The following FANCL variants were observed in gnomAD, a reference collection of about 807,000 sequenced individuals.
FANCL encodes E3 ubiquitin-protein ligase FANCL.
Under a neutral mutation model 59.4 loss-of-function variants are expected in FANCL, and 69 were observed. The ratio of observed to expected loss-of-function variants is 1.16; its 90% CI spans 0.96 to 1.42. The LOEUF (loss-of-function observed/expected upper bound fraction) is 1.42. Ranked by LOEUF, FANCL falls within the 40% of genes most tolerant of loss-of-function variation. The pLI is 0.00. For missense variants in FANCL, 519 were observed against 447.2 expected (o/e 1.16, Z -1.45); for synonymous variants, 180 against 147.1 (o/e 1.22, Z -1.62).
intron 5 of FANCL, among the ~76,000 whole-genome samples, chr2:58,219,349 T>C (rs1265637577): frequency 1.3e-5 from 2 of 151,110 alleles, no homozygotes; most frequent in Non-Finnish European, 2.9e-5. Context: ...GAGTCCATAG[T>C]ATTTCAAATA....
At chr2:58,208,246 T>G (rs1031166088) in intron 5 of FANCL, among the ~76,000 whole-genome samples, 1 of 152,196 alleles carries the variant, frequency 6.6e-6, no homozygotes, top group Non-Finnish European at 1.5e-5. Context: ...TTAAGATTTG[T>G]ATTTAGAAGG....
chr2:58,190,359 A>G (rs1688808468), intron 7 of FANCL, among the ~76,000 whole-genome samples: 1 of 151,888 alleles, frequency 6.6e-6, no homozygotes. Context: ...AACTATAGCA[A>G]TTCCACTTTT....
intron 6 of FANCL, 95 bp downstream of exon 6, chr2:58,204,035 A>G (rs1690322737): frequency 2.2e-6 from 2 of 924,680 alleles, no homozygotes; most frequent in Non-Finnish European, 1.8e-6. Flanking sequence ...ATGTATTTTT[A>G]GATGTAACTA....
Position 58,219,723 on chromosome 2 carries a change from A to T in FANCL, c.374+2219T>A, listed in dbSNP as rs140127854. Among the ~76,000 whole-genome samples, 630 of 152,268 alleles carry T rather than the reference A, an allele frequency of 4.1e-3. 12 individuals carry two copies. Among genetic ancestry groups the T allele is most frequent in the African/African-American group, 0.014 (588 of 41,528 alleles). On this transcript the variant is annotated intron_variant, in intron 5 of 13. Transcript: ENST00000233741. ...CCAGCATGGCTCTAAAAAGTGTGCC[A>T]AAAATTTGACTCTAAATTTCCTAGA...
At chr2:58,176,614 T>C (rs529253197) in intron 7 of FANCL, among the ~76,000 whole-genome samples, 2 of 152,200 alleles carry the variant, frequency 1.3e-5, no homozygotes, top group Non-Finnish European at 2.9e-5. Flanking sequence ...CCTTACACCT[T>C]ATACAAAAAT....
chr2:58,212,320 G>A (rs1011801249), intron 5 of FANCL, among the ~76,000 whole-genome samples: 1 of 152,162 alleles, frequency 6.6e-6, no homozygotes, highest in Non-Finnish European at 1.5e-5. Context: ...GAACAGTATG[G>A]GGGAAACTGC....
intron 7 of FANCL, among the ~76,000 whole-genome samples, chr2:58,179,134 T>A (rs574925264): frequency 6.6e-5 from 10 of 152,230 alleles, no homozygotes; most frequent in Admixed American, 5.9e-4. Context: ...GAAGAATCAA[T>A]ATCGTGAAAA....
At chr2:58,228,523 G>A (rs1472835210) in intron 3 of FANCL, among the ~76,000 whole-genome samples, 1 of 152,148 alleles carries the variant, frequency 6.6e-6, no homozygotes, top group Non-Finnish European at 1.5e-5. Flanking sequence ...AGTTTTATTG[G>A]CATGTAGCCA....
chr2:58,223,229 G>C (rs539831809), intron 4 of FANCL, among the ~76,000 whole-genome samples: 1 of 151,130 alleles, frequency 6.6e-6, no homozygotes, highest in Non-Finnish European at 1.5e-5. Flanking sequence ...AGAAGACAAA[G>C]TATATGCTGC....
In FANCL at chr2:58,165,599, T is replaced by C. The variant is rs915785612; in HGVS notation, c.691+125A>G. The stretch of plus-strand genomic sequence containing the variant: ...AAATGTGTAGCCAAAAAAAAGTTTA[T>C]ACTAGAAAATTTTAATAGTTGACTT... On this transcript the variant is annotated intron_variant, in intron 8 of 13. Transcript: ENST00000233741. The C allele has an allele frequency of 4.9e-6, 6 of 1,218,050 alleles. No homozygotes were observed. The African/African-American group carries it at 6.2e-5, about 12-fold the overall frequency. 75.5% of individuals were successfully genotyped at this position (1,218,050 alleles called of 1,614,324 possible). A position where few individuals can be genotyped will look rare whatever the true frequency, so the allele number is the denominator to read the frequency against.
chr2:58,210,186 AAG>A (rs1157300961), intron 5 of FANCL, among the ~76,000 whole-genome samples: 4 of 152,210 alleles, frequency 2.6e-5, no homozygotes, highest in African/African-American at 7.2e-5. Context: ...TCATGCTGCT[AAG>A]ACACACCCAA....
chr2:58,241,057 G>T (rs1008677828), intron 1 of FANCL, among the ~76,000 whole-genome samples, 161 bp downstream of exon 1: 4 of 152,228 alleles, frequency 2.6e-5, no homozygotes. Flanking sequence ...GGCGGCGACA[G>T]CGGCGCTTCT....
intron 5 of FANCL, among the ~76,000 whole-genome samples, chr2:58,212,180 G>C (rs1253182720): frequency 6.6e-6 from 1 of 152,198 alleles, no homozygotes; most frequent in Non-Finnish European, 1.5e-5. Flanking sequence ...TCACAATCAT[G>C]GTGGAAGGCA....
At chr2:58,173,394 G>A (rs1184809063) in intron 7 of FANCL, among the ~76,000 whole-genome samples, 3 of 152,062 alleles carry the variant, frequency 2.0e-5, no homozygotes, top group Non-Finnish European at 2.9e-5. Context: ...GAGAAAGGTC[G>A]GGTTACCCAC....
intron 7 of FANCL, among the ~76,000 whole-genome samples, chr2:58,182,582 ACTAAC>A (rs1335541230): frequency 2.0e-5 from 3 of 151,892 alleles, no homozygotes; most frequent in Admixed American, 6.6e-5. Context: ...ATTTTATACA[ACTAAC>A]CCACGGAAGA....
At chr2:58,221,847 G>T in intron 5 of FANCL, 95 bp downstream of exon 5, 1 of 827,248 alleles carries the variant, frequency 1.2e-6, no homozygotes, top group South Asian at 1.5e-5. Flanking sequence ...TAAACACTTT[G>T]ACTAAAATCA....
intron 2 of FANCL, among the ~76,000 whole-genome samples, chr2:58,231,538 T>C (rs1057248908): frequency 2.9e-4 from 44 of 152,298 alleles, no homozygotes; most frequent in Admixed American, 9.8e-4. Flanking sequence ...ATCTCTGGAT[T>C]CCTTTTCCTC....
chr2:58,222,633 A>G (rs1692598725), intron 4 of FANCL, among the ~76,000 whole-genome samples: 1 of 152,046 alleles, frequency 6.6e-6, no homozygotes, highest in African/African-American at 2.4e-5. Context: ...AGGCCTATCT[A>G]TGAAGGCTTT....
chr2:58,211,802 G>A (rs550069570), intron 5 of FANCL, among the ~76,000 whole-genome samples: 2 of 147,662 alleles, frequency 1.4e-5, no homozygotes, highest in African/African-American at 2.5e-5. Context: ...CATAACAAGA[G>A]TAACCTTTGC....
Sources: allele counts gnomAD v4.1 joint callset (sites outside exome capture counted in the v4.1 genomes callset), GRCh38; gene constraint gnomAD v4.1.1; transcripts MANE v1.5; gene names NCBI Gene and HGNC (gene_info 2026-07-23, HGNC 2026-07-21).